TLN1: variants seen among roughly 807,000 people sequenced by gnomAD.
The protein encoded by TLN1 is talin 1.
Under a neutral mutation model 292.3 loss-of-function variants are expected in TLN1, and 56 were observed. The ratio of observed to expected loss-of-function variants is 0.19; its 90% CI spans 0.15 to 0.24. The LOEUF (loss-of-function observed/expected upper bound fraction) is 0.24, where lower values mean the gene tolerates loss of function less well. TLN1 is among the 10% of genes least tolerant of loss of function. TLN1 has a pLI of 1.00. For synonymous variants in TLN1, 1,119 were observed against 1,253.7 expected (o/e 0.89, Z 2.27); for missense variants, 2,433 against 3,248.2 (o/e 0.75, Z 6.10).
Position 35,706,300 on chromosome 9 carries a change from G to A in TLN1, c.5257C>T (p.Leu1753=). The A allele has an allele frequency of 6.2e-7, 1 of 1,613,852 alleles. No individual in the cohort carries two copies. The highest frequency in any genetic ancestry group is 1.3e-5 in the African/African-American group (1 of 75,060). Residue 1753 remains leucine (L), a synonymous_variant, in exon 40 of 57, where the codon CTG becomes TTG. Transcript: ENST00000314888. This position sits in a 1 kb window ranked among gnomAD's most constrained non-coding sequence, Gnocchi z 4.2. ...LAAVGAASKT[L]SHPQQMALLD... ...AGTGCCATCTGCTGCGGGTGGCTCA[G>A]GGTCTTGGAGGCAGCACCCACTGCA...
Position 35,714,855 on chromosome 9 carries a change from C to T in TLN1, c.2776G>A (p.Ala926Thr). ...RLEHAAKQAA[A>T]SATQTIAAAQ... is the part of the protein sequence containing the mutation. ...GCAGCGATGGTCTGTGTGGCTGAGG[C>T]TGCAGCCTGCTTGGCTGCATGCTGT... Residue 926 changes from alanine (A) to threonine (T), a missense_variant, in exon 22 of 57, where the codon GCC (alanine) becomes ACC (threonine). Ala to Thr is a moderately conservative substitution (Grantham distance 58). Coordinates refer to ENST00000314888, the MANE Select transcript of TLN1 (RefSeq NM_006289.4). This position sits in a 1 kb window ranked among gnomAD's most constrained non-coding sequence, Gnocchi z 4.6. 3 of 1,570,238 alleles carry T rather than the reference C, an allele frequency of 1.9e-6. No homozygotes were observed. Among genetic ancestry groups the T allele is most frequent in the Non-Finnish European group, 2.6e-6 (3 of 1,157,680 alleles).
intron 11 of TLN1, 100 bp downstream of exon 11, chr9:35,720,712 G>A (rs796661668): frequency 1.2e-5 from 15 of 1,212,928 alleles, no homozygotes; most frequent in African/African-American, 1.1e-4. Flanking sequence ...TGCAACCTCC[G>A]CCTCCCAGGT....
chr9:35,722,948 T>C (rs375508332), intron 7 of TLN1, 27 bp from the exon 8 acceptor site: 1 of 1,611,064 alleles, frequency 6.2e-7, no homozygotes. Context: ...AGGGTCAGCA[T>C]GTGGTAGACA....
At chr9:35,718,966 C>T in intron 16 of TLN1, 56 bp from the exon 17 acceptor site, 2 of 1,591,498 alleles carry the variant, frequency 1.3e-6, no homozygotes, top group Non-Finnish European at 1.7e-6. Flanking sequence ...CATGCCTGTG[C>T]ATATCACAGG....
rs561531732 is a variant in TLN1, at chr9:35,721,630, T to C, written c.1104+18A>G. 5.0e-6 allele frequency: 8 copies of C among 1,603,806 alleles called. No individual in the cohort carries two copies. The African/African-American group carries it at 9.4e-5, about 19-fold the overall frequency. On this transcript the variant is annotated intron_variant, in intron 10 of 56. Coordinates refer to ENST00000314888, the MANE Select transcript of TLN1 (RefSeq NM_006289.4). ...TGAAACTCCCAAAGCACTTTCTTGT[T>C]ATAGTCCCCAGACTTACCAGGGTGA...
Position 35,698,742 on chromosome 9 carries a change from ATGGATG to A in TLN1, c.7125+60_7126-64del, listed in dbSNP as rs1303246972. The A allele has an allele frequency of 6.2e-6, 10 of 1,613,854 alleles. No homozygotes were observed. The highest frequency in any genetic ancestry group is 1.7e-5 in the Admixed American group (1 of 59,998). On this transcript the variant is annotated intron_variant, in intron 53 of 56. Transcript: ENST00000314888. The surrounding 1 kb of genome is among the most constrained non-coding windows in gnomAD (Gnocchi z 5.3). ...TCCTCACTTCAAAGACTCGCTGGCT[ATGGATG>A]TGGATGTGGACATCAAAGTGCCAAC...
At position 35,713,180 on chromosome 9, in the gene TLN1, C is replaced by T. The variant is rs761386709; in HGVS notation, c.3352+16G>A. 2 of 1,587,756 alleles carry T rather than the reference C, an allele frequency of 1.3e-6. No individual in the cohort carries two copies. Among genetic ancestry groups the T allele is most frequent in the East Asian group, 2.3e-5 (1 of 44,104 alleles). On this transcript the variant is annotated intron_variant, in intron 26 of 56. Transcript: ENST00000314888. ...CCCTCACAATATGCCCCATGCCTGG[C>T]TCTCTGCCCACATACCTGCATAATT...
rs1587985977 is a variant in TLN1, at chr9:35,717,228, A to T, written c.2376T>A (p.Ala792=). ...CCTGGTCATAACGGCCAGCAGGCCC[A>T]GCCCCTGTGGCATGGGCTTTCACAT... ...LQHVKAHATG[A]GPAGRYDQAT... is the part of the protein sequence containing the mutation. The change falls in exon 19 of 57, where the codon GCT becomes GCA. Residue 792 remains alanine (A), a synonymous_variant. Coordinates refer to ENST00000314888, the MANE Select transcript of TLN1 (RefSeq NM_006289.4). The surrounding 1 kb of genome is among the most constrained non-coding windows in gnomAD (Gnocchi z 4.7). The T allele has an allele frequency of 6.2e-7, 1 of 1,614,076 alleles. No individual in the cohort carries two copies. The highest frequency in any genetic ancestry group is 1.7e-5 in the Admixed American group (1 of 60,010).
In TLN1 at chr9:35,699,005, G is replaced by C. The variant is rs1379083791; in HGVS notation, c.6999+27C>G. 6.2e-7 allele frequency: 1 copy of C among 1,608,640 alleles called. No homozygotes were observed. Among genetic ancestry groups the C allele is most frequent in the Non-Finnish European group, 8.5e-7 (1 of 1,175,438 alleles). The stretch of plus-strand genomic sequence containing the variant: ...AGGTGGGGACACTGCCATGGTGAGG[G>C]TGGAAGAGGAAGGGAGCAGGACTGA... On this transcript the variant is annotated intron_variant, in intron 52 of 56. Coordinates refer to ENST00000314888, the MANE Select transcript of TLN1 (RefSeq NM_006289.4). The surrounding 1 kb of genome is among the most constrained non-coding windows in gnomAD (Gnocchi z 4.0).
chr9:35,708,763 T>C (rs1825608610), intron 33 of TLN1, among the ~76,000 whole-genome samples: 1 of 152,224 alleles, frequency 6.6e-6, no homozygotes. Flanking sequence ...CAATCTCTAT[T>C]TAGATATGTT....
At position 35,706,635 on chromosome 9, in the gene TLN1, A is replaced by C. The variant is rs951780831; in HGVS notation, c.5089-84T>G. 1 of 1,589,850 alleles carries C rather than the reference A, an allele frequency of 6.3e-7. No individual in the cohort carries two copies. The highest frequency in any genetic ancestry group is 8.6e-7 in the Non-Finnish European group (1 of 1,163,752). ...AAAGAACTGCTCTTCTGTCCATACC[A>C]AATACCCTAACCCTCCTTCGCACAT... On this transcript the variant is annotated intron_variant, in intron 38 of 56. Coordinates refer to ENST00000314888, the MANE Select transcript of TLN1 (RefSeq NM_006289.4). The surrounding 1 kb of genome is among the most constrained non-coding windows in gnomAD (Gnocchi z 4.2).
intron 27 of TLN1, 97 bp downstream of exon 27, chr9:35,712,738 G>T: frequency 9.5e-7 from 1 of 1,057,894 alleles, no homozygotes; most frequent in Non-Finnish European, 1.4e-6. Context: ...ACATCACTCT[G>T]TGAGTGTGGA....
In TLN1 at chr9:35,711,776, C is replaced by T. The variant is rs1426133857; in HGVS notation, c.3698G>A (p.Gly1233Glu). 1 of 1,613,898 alleles carries T rather than the reference C, an allele frequency of 6.2e-7. No homozygotes were observed. Among genetic ancestry groups the T allele is most frequent in the African/African-American group, 1.3e-5 (1 of 74,892 alleles). ...CCGGCTCTGAGCTTCTTGAAATGTC[C>T]CAGTGCTAGGAGGAAGCTGCAAGGT... The part of the protein sequence containing the change: ...LLSDSLPPST[G>E]TFQEAQSRLN... Residue 1233 changes from glycine (G) to glutamate (E), a missense_variant, in exon 29 of 57, where the codon GGG (glycine) becomes GAG (glutamate). Physicochemically the swap from Gly to Glu is moderately conservative, Grantham distance 98 (BLOSUM62 -2). Transcript: ENST00000314888.
intron 7 of TLN1, chr9:35,723,304 C>T (rs1825910654): frequency 9.1e-6 from 2 of 218,706 alleles, no homozygotes; most frequent in South Asian, 1.2e-4. Flanking sequence ...GGTTTCTCCA[C>T]GTTGGTCAGG....
At position 35,722,451 on chromosome 9, in the gene TLN1, CAG is replaced by C. The variant is rs571536204; in HGVS notation, c.844-230_844-229del. 2.5e-3 allele frequency among the ~76,000 whole-genome samples: 377 copies of C among 152,206 alleles called. 1 individual carries two copies. Among genetic ancestry groups the C allele is most frequent in the Non-Finnish European group, 4.1e-3 (278 of 68,012 alleles). On this transcript the variant is annotated intron_variant, in intron 8 of 56. Coordinates refer to ENST00000314888, the MANE Select transcript of TLN1 (RefSeq NM_006289.4). ...CTTGCAGACATTCTGGAGATATGAA[CAG>C]AGAGTTTGGAAGTAGAAGGGCAAAG...
At position 35,707,619 on chromosome 9, in the gene TLN1, G is replaced by C; in HGVS notation, c.4632+112C>G. ...TAGGTGGTCAGTCTGAATAGAAAGAGCTTGGGCTCAGGCAGAGGGGATTTG... is the reference window on the plus strand; with the variant it reads ...TAGGTGGTCAGTCTGAATAGAAAGACCTTGGGCTCAGGCAGAGGGGATTTG... On this transcript the variant is annotated intron_variant, in intron 35 of 56. Coordinates refer to ENST00000314888, the MANE Select transcript of TLN1 (RefSeq NM_006289.4). The surrounding 1 kb of genome is among the most constrained non-coding windows in gnomAD (Gnocchi z 5.6). The C allele has an allele frequency of 6.3e-7, 1 of 1,579,624 alleles. No individual in the cohort carries two copies. The highest frequency in any genetic ancestry group is 1.7e-5 in the Admixed American group (1 of 58,306).
At chr9:35,725,412 G>T in intron 2 of TLN1, 91 bp from the exon 3 acceptor site, 2 of 1,541,562 alleles carry the variant, frequency 1.3e-6, no homozygotes, top group South Asian at 2.3e-5. Context: ...TTTCTCCCAT[G>T]ACCTTGGGCC....
rs370229817 is a variant in TLN1 at position 35,712,153 on chromosome 9, C to A, written c.3562-29G>T. On this transcript the variant is annotated intron_variant, in intron 27 of 56. Coordinates refer to ENST00000314888, the MANE Select transcript of TLN1 (RefSeq NM_006289.4). ...GGGTGAGAAAGGAGACAGGGTTGCC[C>A]AAGTGAAAAGAATTTGAGAGATCGC... 2,123 of 1,603,328 alleles carry A rather than the reference C, an allele frequency of 1.3e-3. 3 individuals carry two copies. The highest frequency in any genetic ancestry group is 1.6e-3 in the Non-Finnish European group (1,931 of 1,175,246).
rs1414150381 is a variant in TLN1 at position 35,721,019 on chromosome 9, G to C, written c.1105-106C>G. ...TGAGCTGATGAGATGCCTTCCCGTG[G>C]CAACGGCCCTCTTGGAAGATGCCCA... On this transcript the variant is annotated intron_variant, in intron 10 of 56. Coordinates refer to ENST00000314888, the MANE Select transcript of TLN1 (RefSeq NM_006289.4). 1.4e-5 allele frequency: 11 copies of C among 766,804 alleles called. No homozygotes were observed. In the East Asian group the frequency reaches 2.1e-4, roughly 15 times the overall value. The allele number at this position is 766,804 out of a possible 1,614,324, so 47.5% of individuals were successfully genotyped here.
Sources: allele counts gnomAD v4.1 joint callset (sites outside exome capture counted in the v4.1 genomes callset), GRCh38; gene constraint gnomAD v4.1.1; non-coding constraint Gnocchi (gnomAD v3.1); transcripts MANE v1.5; gene names NCBI Gene and HGNC (gene_info 2026-07-23, HGNC 2026-07-21).